PTPRK: variants seen among roughly 807,000 people sequenced by gnomAD.
PTPRK encodes the protein protein tyrosine phosphatase receptor type K.
PTPRK carries 75 observed loss-of-function variants against 178.0 expected under a neutral mutation model. The observed-to-expected ratio is 0.42, with a 90% CI of 0.35 to 0.51. The LOEUF is 0.51. Ranked by LOEUF, PTPRK falls within the 20% of genes least tolerant of loss-of-function variation. PTPRK has a pLI of 0.02. For missense variants in PTPRK, 1,441 were observed against 1,797.8 expected (o/e 0.80, Z 3.59); for synonymous variants, 637 against 620.6 (o/e 1.03, Z -0.39).
intron 1 of PTPRK, among the ~76,000 whole-genome samples, chr6:128,427,091 T>C (rs1286224733): frequency 6.6e-6 from 1 of 152,208 alleles, no homozygotes; most frequent in Non-Finnish European, 1.5e-5. Flanking sequence ...AACAGGCACA[T>C]GTTAAAGGTG....
At position 128,089,081 on chromosome 6, in the gene PTPRK, C is replaced by T. The variant is rs1006061205; in HGVS notation, c.1465+609G>A. ...GGTTCAAGTGATTCTCCTGCCTTGA[C>T]CTCCCGAATAGCTGAGATTGGCAGG... On this transcript the variant is annotated intron_variant, in intron 8 of 29. Transcript: ENST00000368226. 3.9e-5 allele frequency among the ~76,000 whole-genome samples: 6 copies of T among 152,260 alleles called. No individual in the cohort carries two copies. The East Asian group carries it at 1.2e-3, about 29-fold the overall frequency.
chr6:128,418,199 CA>C (rs1437252980), intron 1 of PTPRK, among the ~76,000 whole-genome samples: 3 of 152,212 alleles, frequency 2.0e-5, no homozygotes. Context: ...AAACCATCCC[CA>C]CCCTCGCACT....
intron 5 of PTPRK, among the ~76,000 whole-genome samples, chr6:128,233,557 C>T (rs1270656863): frequency 6.6e-6 from 1 of 152,160 alleles, no homozygotes; most frequent in Non-Finnish European, 1.5e-5. Context: ...ACTCTCAAGC[C>T]ATTGCTTAAA....
At chr6:128,491,782 A>T in intron 1 of PTPRK, 1 of 518,464 alleles carries the variant, frequency 1.9e-6, no homozygotes, top group Non-Finnish European at 3.9e-6. Flanking sequence ...TGCGTGATAG[A>T]TGGCGAATGG....
intron 7 of PTPRK, among the ~76,000 whole-genome samples, chr6:128,142,959 T>C (rs1016953608): frequency 1.3e-5 from 2 of 152,152 alleles, no homozygotes; most frequent in African/African-American, 4.8e-5. Flanking sequence ...CTAAGATATT[T>C]ATGGCCTTTG....
chr6:128,399,144 C>A (rs940094033), intron 1 of PTPRK, among the ~76,000 whole-genome samples: 17 of 152,132 alleles, frequency 1.1e-4, no homozygotes, highest in Admixed American at 1.1e-3. Context: ...AATTCTCTGA[C>A]CAAGCAACAG....
At chr6:128,067,225 C>A (rs541882129) in intron 12 of PTPRK, among the ~76,000 whole-genome samples, 3 of 152,134 alleles carry the variant, frequency 2.0e-5, no homozygotes, top group Non-Finnish European at 2.9e-5. Context: ...GTCCCAGCAG[C>A]AGCACACCCA....
chr6:128,252,781 G>T (rs1339855962), intron 3 of PTPRK, among the ~76,000 whole-genome samples: 3 of 152,130 alleles, frequency 2.0e-5, no homozygotes, highest in Admixed American at 2.0e-4. Context: ...ACCTCATGAG[G>T]CCATTGTAAA....
chr6:128,275,823 C>T (rs1820637335), intron 3 of PTPRK, among the ~76,000 whole-genome samples: 1 of 151,960 alleles, frequency 6.6e-6, no homozygotes, highest in Non-Finnish European at 1.5e-5. Context: ...AACTAAAAGG[C>T]AAACTGTACT....
At chr6:128,141,551 G>C (rs1215722829) in intron 7 of PTPRK, among the ~76,000 whole-genome samples, 2 of 151,626 alleles carry the variant, frequency 1.3e-5, no homozygotes, top group Non-Finnish European at 2.9e-5. Context: ...AAATCCTGTT[G>C]AGATTTGGAG....
chr6:128,302,842 A>C (rs998890343), intron 3 of PTPRK, among the ~76,000 whole-genome samples: 7 of 151,988 alleles, frequency 4.6e-5, no homozygotes, highest in Admixed American at 3.9e-4. Context: ...CTTAGTTAGG[A>C]TCTTTCTCCT....
intron 14 of PTPRK, among the ~76,000 whole-genome samples, chr6:128,006,324 A>G (rs1480043185): frequency 2.0e-5 from 3 of 151,012 alleles, no homozygotes; most frequent in Admixed American, 6.6e-5. Context: ...CTTATTGCCA[A>G]AATATTGAAA....
chr6:128,056,224 G>A (rs531894142), intron 13 of PTPRK, among the ~76,000 whole-genome samples: 10 of 151,564 alleles, frequency 6.6e-5, no homozygotes, highest in African/African-American at 2.2e-4. Flanking sequence ...CATAGCTAAC[G>A]GTTAAGAAGT....
At chr6:128,243,488 T>TAAAAAAA (rs760606919) in intron 3 of PTPRK, among the ~76,000 whole-genome samples, 11 of 59,126 alleles carry the variant, frequency 1.9e-4, no homozygotes, top group Non-Finnish European at 2.6e-4. Flanking sequence ...AGCCTGTCGC[T>TAAAAAAA]AAAAAAAAAA....
At chr6:128,251,992 A>G (rs995403710) in intron 3 of PTPRK, among the ~76,000 whole-genome samples, 1 of 152,196 alleles carries the variant, frequency 6.6e-6, no homozygotes, top group Non-Finnish European at 1.5e-5. Flanking sequence ...CCTTTCAAGA[A>G]TGATACTGTG....
intron 2 of PTPRK, among the ~76,000 whole-genome samples, chr6:128,379,385 A>C (rs916603770): frequency 2.0e-5 from 3 of 152,218 alleles, no homozygotes; most frequent in Non-Finnish European, 4.4e-5. Context: ...ATCCATTTAC[A>C]TTACCAACAC....
At chr6:128,483,185 T>C (rs915520463) in intron 1 of PTPRK, among the ~76,000 whole-genome samples, 1 of 152,194 alleles carries the variant, frequency 6.6e-6, no homozygotes, top group Non-Finnish European at 1.5e-5. Flanking sequence ...AGTCGTGTTT[T>C]TTCTACAACT....
intron 3 of PTPRK, among the ~76,000 whole-genome samples, chr6:128,308,205 A>G (rs1562255900): frequency 6.6e-6 from 1 of 152,128 alleles, no homozygotes; most frequent in Non-Finnish European, 1.5e-5. Flanking sequence ...AACTGTATAA[A>G]ACAAAATATT....
At chr6:128,096,256 AC>A (rs1389950071) in intron 7 of PTPRK, among the ~76,000 whole-genome samples, 4 of 152,230 alleles carry the variant, frequency 2.6e-5, no homozygotes, top group Non-Finnish European at 5.9e-5. Context: ...ATGAAGAAGT[AC>A]TTAATAATTC....
Sources: allele counts gnomAD v4.1 joint callset (sites outside exome capture counted in the v4.1 genomes callset), GRCh38; gene constraint gnomAD v4.1.1; transcripts MANE v1.5; gene names NCBI Gene and HGNC (gene_info 2026-07-23, HGNC 2026-07-21).